STON1: variants seen among roughly 807,000 people sequenced by gnomAD.
The protein encoded by STON1 is stonin-1.
STON1 carries 79 observed loss-of-function variants against 60.9 expected under a neutral mutation model. The observed-to-expected ratio is 1.30, with a 90% CI of 1.08 to 1.56. The LOEUF is 1.56. Ranked by LOEUF, STON1 falls within the 40% of genes most tolerant of loss-of-function variation. The probability of loss-of-function intolerance (pLI) is 0.00; values close to 1 mark genes in which losing one functional copy is unlikely to be tolerated. For synonymous variants in STON1, 363 were observed against 306.9 expected, an observed-to-expected ratio of 1.18 and a Z score of -1.91; for missense variants, 1,166 against 858.9, an observed-to-expected ratio of 1.36 and a Z score of -4.47.
intron 1 of STON1, among the ~76,000 whole-genome samples, chr2:48,543,394 T>C (rs1671737750): frequency 6.6e-6 from 1 of 152,184 alleles, no homozygotes; most frequent in Non-Finnish European, 1.5e-5. Flanking sequence ...AGCCTATTGT[T>C]GGATCTTTCT....
intron 2 of STON1, among the ~76,000 whole-genome samples, chr2:48,584,393 G>A (rs527425045): frequency 1.3e-5 from 2 of 152,110 alleles, no homozygotes; most frequent in African/African-American, 4.8e-5. Flanking sequence ...TCAGCCTCCC[G>A]AGTAGCTGGG....
At chr2:48,573,148 G>C (rs1673304918) in intron 1 of STON1, among the ~76,000 whole-genome samples, 1 of 152,168 alleles carries the variant, frequency 6.6e-6, no homozygotes, top group Non-Finnish European at 1.5e-5. Flanking sequence ...AGAAAAATAG[G>C]CCTTTCCCAC....
At chr2:48,558,188 A>T (rs544722493) in intron 1 of STON1, among the ~76,000 whole-genome samples, 3 of 152,236 alleles carry the variant, frequency 2.0e-5, no homozygotes, top group Admixed American at 1.3e-4. Context: ...GCACCATTGC[A>T]CTTCTAGCCT....
chr2:48,554,656 T>G (rs934402273), intron 1 of STON1, among the ~76,000 whole-genome samples: 3 of 152,098 alleles, frequency 2.0e-5, no homozygotes, highest in African/African-American at 7.2e-5. Context: ...AGTTGGCACA[T>G]CCAGTCATTG....
chr2:48,533,809 G>A (rs1671315663), intron 1 of STON1, among the ~76,000 whole-genome samples: 1 of 128,432 alleles, frequency 7.8e-6, no homozygotes, highest in Non-Finnish European at 1.6e-5. Context: ...TGCTCTCGTT[G>A]CCCAGGCTGG....
chr2:48,596,230 A>C lies in STON1; in HGVS notation c.*928A>C, dbSNP rs1359522500. ...ATGATTATTTTATACTAGTTCTGCT[A>C]TCATGCTGTTTTATGCTAATTCTGC... On this transcript the variant is annotated 3_prime_UTR_variant, in exon 4 of 4. Transcript: ENST00000404752. 1.3e-5 allele frequency: 2 copies of C among 152,222 alleles called. No individual in the cohort carries two copies. The highest frequency in any genetic ancestry group is 1.9e-4 in the East Asian group (1 of 5,202). 9.4% of individuals were successfully genotyped at this position (152,222 alleles called of 1,614,324 possible). A position where few individuals can be genotyped will look rare whatever the true frequency, so the allele number is the denominator to read the frequency against.
chr2:48,594,640 G>A (rs1458779396), intron 3 of STON1, among the ~76,000 whole-genome samples: 2 of 152,184 alleles, frequency 1.3e-5, no homozygotes, highest in African/African-American at 4.8e-5. Flanking sequence ...GGGATAGAGA[G>A]TGACTGGAGG....
intron 1 of STON1, among the ~76,000 whole-genome samples, chr2:48,576,431 C>A (rs1286672884): frequency 2.0e-5 from 3 of 151,360 alleles, no homozygotes; most frequent in Non-Finnish European, 4.4e-5. Flanking sequence ...CTCAAGTGAT[C>A]CTCCCGCCTC....
intron 1 of STON1, among the ~76,000 whole-genome samples, chr2:48,551,608 A>G (rs1436543375): frequency 6.6e-6 from 1 of 152,258 alleles, no homozygotes; most frequent in Non-Finnish European, 1.5e-5. Flanking sequence ...TTTCTCTGAC[A>G]GAATGTCCTT....
intron 1 of STON1, among the ~76,000 whole-genome samples, chr2:48,558,983 G>A (rs904402177): frequency 1.3e-5 from 2 of 152,204 alleles, no homozygotes; most frequent in Non-Finnish European, 2.9e-5. Flanking sequence ...ACCTGAGGCT[G>A]AAAGGAAATA....
chr2:48,564,439 TC>T (rs1558604128), intron 1 of STON1, among the ~76,000 whole-genome samples: 2 of 48,864 alleles, frequency 4.1e-5, no homozygotes, highest in Non-Finnish European at 8.9e-5. Context: ...TTCTTCTTCT[TC>T]TTCTTCTTCT....
chr2:48,564,410 CTTCTTCT>C (rs1672745533), intron 1 of STON1, among the ~76,000 whole-genome samples: 3 of 26,104 alleles, frequency 1.1e-4, no homozygotes, highest in African/African-American at 4.3e-4. Flanking sequence ...GCGGTGTCTT[CTTCTTCT>C]TCTTCTTCTT....
At chr2:48,588,380 A>T (rs1339901298) in intron 2 of STON1, among the ~76,000 whole-genome samples, 1 of 152,196 alleles carries the variant, frequency 6.6e-6, no homozygotes, top group Non-Finnish European at 1.5e-5. Flanking sequence ...TCGAAAATGG[A>T]AACTGAATGA....
intron 1 of STON1, among the ~76,000 whole-genome samples, chr2:48,545,675 T>A (rs1040812265): frequency 2.0e-5 from 3 of 152,208 alleles, no homozygotes; most frequent in African/African-American, 7.2e-5. Context: ...AACCTTATCC[T>A]TCCTGGAACT....
In STON1 at chr2:48,595,771, A is replaced by G. The variant is rs1223574304; in HGVS notation, c.*469A>G. On this transcript the variant is annotated 3_prime_UTR_variant, in exon 4 of 4. Coordinates refer to ENST00000404752, the MANE Select transcript of STON1 (RefSeq NM_006873.4). ...TCTTTCTTGCCTCTGAAATGTGGCT[A>G]GGTGTAGAATGATGTTGAAACCACA... 3 of 164,400 alleles carry G rather than the reference A, an allele frequency of 1.8e-5. No individual in the cohort carries two copies. Among genetic ancestry groups the G allele is most frequent in the East Asian group, 1.9e-4 (1 of 5,304 alleles). 10.2% of individuals were successfully genotyped at this position (164,400 alleles called of 1,614,324 possible).
rs777488548 is a variant in STON1 at position 48,581,217 on chromosome 2, A to T, written c.584A>T (p.His195Leu). The T allele has an allele frequency of 1.3e-6, 2 of 1,521,418 alleles. No individual in the cohort carries two copies. The highest frequency in any genetic ancestry group is 1.3e-5 in the South Asian group (1 of 74,708). The allele number at this position is 1,521,418 out of a possible 1,614,324, so 94.2% of individuals were successfully genotyped here. A position where few individuals can be genotyped will look rare whatever the true frequency, so the allele number is the denominator to read the frequency against. The change falls in exon 2 of 4, where the codon CAT becomes CTT. Residue 195 changes from histidine (H) to leucine (L), a missense_variant. Coordinates refer to ENST00000404752, the MANE Select transcript of STON1 (RefSeq NM_006873.4). ...PFWKDEGSDS[H>L]FTLDPPGSKK... is the part of the protein sequence containing the mutation. ...TGGAAAGATGAAGGCAGTGATTCCCATTTCACCCTTGACCCACCAGGAAGC... is the reference window on the plus strand; with the variant it reads ...TGGAAAGATGAAGGCAGTGATTCCCTTTTCACCCTTGACCCACCAGGAAGC...
chr2:48,577,120 T>C (rs531009986), intron 1 of STON1, among the ~76,000 whole-genome samples: 1 of 152,296 alleles, frequency 6.6e-6, no homozygotes, highest in South Asian at 2.1e-4. Context: ...TTCTTTATGT[T>C]ACCTTTTTAC....
intron 1 of STON1, among the ~76,000 whole-genome samples, chr2:48,564,473 CT>C (rs1400313783): frequency 5.8e-5 from 3 of 51,720 alleles, no homozygotes; most frequent in Non-Finnish European, 8.0e-5. Flanking sequence ...TCTTCTTCTT[CT>C]TCTTCTTTCT....
At chr2:48,577,538 G>C (rs183854843) in intron 1 of STON1, among the ~76,000 whole-genome samples, 3,588 of 151,148 alleles carry the variant, frequency 0.024, 81 homozygotes, top group Admixed American at 0.052. Flanking sequence ...TTGAGATCGG[G>C]CCACTGCATT....
Sources: gnomAD v4.1 joint callset for allele counts (sites outside exome capture counted in the v4.1 genomes callset) on GRCh38, gnomAD v4.1.1 for gene constraint, MANE v1.5 for transcripts, NCBI Gene and HGNC (gene_info 2026-07-23, HGNC 2026-07-21) for gene names.